Variants in SPRYD3 observed in about 807,000 individuals in gnomAD.
SPRYD3 encodes SPRY domain-containing protein 3.
In SPRYD3, 17 loss-of-function variants were observed where a neutral mutation model predicts 50.1. That is an observed-to-expected ratio of 0.34 (90% confidence interval 0.23 to 0.51). SPRYD3 has a LOEUF of 0.51. Ranked by LOEUF, SPRYD3 falls within the 20% of genes least tolerant of loss-of-function variation. The pLI is 0.97. For missense variants in SPRYD3, 401 were observed against 591.2 expected (o/e 0.68, Z 3.34); for synonymous variants, 198 against 215.5 (o/e 0.92, Z 0.71).
Position 53,066,636 on chromosome 12 carries a change from A to T in SPRYD3, c.958T>A (p.Tyr320Asn), listed in dbSNP as rs1485367633. Residue 320 changes from tyrosine to asparagine, a missense_variant, in exon 9 of 11, where the codon TAC becomes AAC. By Grantham distance (143) the Tyr-to-Asn change is moderately radical (BLOSUM62 -2). Transcript: ENST00000301463. ...GVGDPFGPRC[Y>N]KGDIMGCGIM... Reference sequence around the variant, plus strand: ...CCACAGCCCATGATGTCCCCTTTGTAACAGCGTGGCCCAAAGGGGTCCCCC... The same window carrying T: ...CCACAGCCCATGATGTCCCCTTTGTTACAGCGTGGCCCAAAGGGGTCCCCC... 1 of 1,613,884 alleles carries T rather than the reference A, an allele frequency of 6.2e-7. No homozygotes were observed.
chr12:53,079,369 G>A lies in SPRYD3; in HGVS notation c.-36C>T, dbSNP rs1237201938. The A allele has an allele frequency of 5.6e-6, 9 of 1,596,160 alleles. No homozygotes were observed. Among genetic ancestry groups the A allele is most frequent in the Non-Finnish European group, 7.7e-6 (9 of 1,172,000 alleles). On this transcript the variant is annotated 5_prime_UTR_variant, in exon 1 of 11. Coordinates refer to ENST00000301463, the MANE Select transcript of SPRYD3 (RefSeq NM_032840.3). ...CTCAGCTCCGCACACAAGCTCTTCG[G>A]CCGCCGCCACCACACACATCCGGGT...
At chr12:53,073,256 G>GCCCCCGGGGGGGGGGCCCC in intron 6 of SPRYD3, 30 bp downstream of exon 6, 4 of 424,134 alleles carry the variant, frequency 9.4e-6, no homozygotes, top group Non-Finnish European at 1.8e-5. Context: ...CTCCGACCCA[G>GCCCCCGGGGGGGGGGCCCC]CCCCTCCCAC....
At position 53,066,978 on chromosome 12, in the gene SPRYD3, C is replaced by T. The variant is rs184087655; in HGVS notation, c.902-286G>A. On this transcript the variant is annotated intron_variant, in intron 8 of 10. Transcript: ENST00000301463. The stretch of plus-strand genomic sequence containing the variant: ...TACAAAAATTAGCTGGGCGTGGTGG[C>T]GCCCGTCTGTAGTCCCAGCTACTCA... 6.6e-5 allele frequency among the ~76,000 whole-genome samples: 10 copies of T among 152,112 alleles called. 1 individual carries two copies. In the East Asian group the frequency reaches 9.7e-4, roughly 15 times the overall value.
rs1010584063 is a variant in SPRYD3 at position 53,075,727 on chromosome 12, C to G, written c.246+9G>C. The G allele has an allele frequency of 8.7e-6, 14 of 1,612,778 alleles. No individual in the cohort carries two copies. Among genetic ancestry groups the G allele is most frequent in the Non-Finnish European group, 1.2e-5 (14 of 1,178,856 alleles). ...ACCCCCTGCTCTGCCCACCCACTGCCTTGATCACCTCAAAATAATTGCTGT... is the reference window on the plus strand; with the variant it reads ...ACCCCCTGCTCTGCCCACCCACTGCGTTGATCACCTCAAAATAATTGCTGT... On this transcript the variant is annotated intron_variant, in intron 3 of 10. Coordinates refer to ENST00000301463, the MANE Select transcript of SPRYD3 (RefSeq NM_032840.3).
intron 3 of SPRYD3, among the ~76,000 whole-genome samples, chr12:53,075,460 G>C (rs1180764201): frequency 6.6e-6 from 1 of 152,174 alleles, no homozygotes; most frequent in Non-Finnish European, 1.5e-5. Context: ...TATATGGTGG[G>C]TTTGGGTTAG....
chr12:53,066,681 T>C lies in SPRYD3; in HGVS notation c.913A>G (p.Ile305Val). The C allele has an allele frequency of 6.2e-7, 1 of 1,610,800 alleles. No individual in the cohort carries two copies. Residue 305 changes from isoleucine to valine, a missense_variant, in exon 9 of 11, where the codon ATC (isoleucine) becomes GTC (valine). By Grantham distance (29) the Ile-to-Val change is conservative. Coordinates refer to ENST00000301463, the MANE Select transcript of SPRYD3 (RefSeq NM_032840.3). ...TCCCCCACACCACTGCCATGGAAGATCTTCCCATCGTCTGTTGGAGGGAGG... is the reference window on the plus strand; with the variant it reads ...TCCCCCACACCACTGCCATGGAAGACCTTCCCATCGTCTGTTGGAGGGAGG... ...SVAYHADDGK[I>V]FHGSGVGDPF...
At position 53,079,318 on chromosome 12, in the gene SPRYD3, G is replaced by A; in HGVS notation, c.16C>T (p.Arg6Trp). MRRTR[R>W]PRFVLMNKMD... ...CCCCCGATCCCCGCCTACCGGGGCCGCCGCGTCCTCCTCATCCATAGGCCT... is the reference window on the plus strand; with the variant it reads ...CCCCCGATCCCCGCCTACCGGGGCCACCGCGTCCTCCTCATCCATAGGCCT... Residue 6 changes from arginine (R) to tryptophan (W), a missense_variant, in exon 1 of 11, where the codon CGG (arginine) becomes TGG (tryptophan). Physicochemically the swap from Arg to Trp is moderately radical, Grantham distance 101. Coordinates refer to ENST00000301463, the MANE Select transcript of SPRYD3 (RefSeq NM_032840.3). 6.2e-7 allele frequency: 1 copy of A among 1,607,766 alleles called. No homozygotes were observed. The highest frequency in any genetic ancestry group is 1.1e-5 in the South Asian group (1 of 90,320).
intron 6 of SPRYD3, among the ~76,000 whole-genome samples, chr12:53,071,507 G>A (rs1241338990): frequency 6.6e-6 from 1 of 152,136 alleles, no homozygotes; most frequent in African/African-American, 2.4e-5. Flanking sequence ...GGGGAAACAG[G>A]CCACAGGAGG....
intron 1 of SPRYD3, chr12:53,077,946 G>C: frequency 3.5e-6 from 1 of 282,730 alleles, no homozygotes; most frequent in Non-Finnish European, 7.3e-6. Flanking sequence ...CAGCACCTTG[G>C]GAGGCTGAGG....
At chr12:53,066,739 A>G in intron 8 of SPRYD3, 47 bp from the exon 9 acceptor site, 1 of 1,565,136 alleles carries the variant, frequency 6.4e-7, no homozygotes, top group Non-Finnish European at 8.7e-7. Flanking sequence ...AGGAGGGCTG[A>G]CACCACACCC....
chr12:53,077,319 C>A, intron 1 of SPRYD3, 58 bp from the exon 2 acceptor site: 4 of 1,591,134 alleles, frequency 2.5e-6, no homozygotes, highest in Non-Finnish European at 3.4e-6. Flanking sequence ...AGCACCTCAG[C>A]CTCTGTGACC....
rs1565618159 is a variant in SPRYD3, at chr12:53,073,365, C to CG, written c.613dup (p.Arg205ProfsTer2). On this transcript the variant is annotated frameshift_variant, in exon 6 of 11. Coordinates refer to ENST00000301463, the MANE Select transcript of SPRYD3 (RefSeq NM_032840.3). LOFTEE classifies it high-confidence loss of function. The stretch of plus-strand genomic sequence containing the variant: ...CACCATCATGACGCTGTCGTCCTCA[C>CG]GGCCCAGCTCAGCGTTGAGGTGCAG... The CG allele has an allele frequency of 6.3e-7, 1 of 1,594,446 alleles. No homozygotes were observed. Among genetic ancestry groups the CG allele is most frequent in the Admixed American group, 1.7e-5 (1 of 57,344 alleles).
chr12:53,073,899 TAA>T (rs931479465), intron 5 of SPRYD3, among the ~76,000 whole-genome samples: 2 of 138,078 alleles, frequency 1.4e-5, no homozygotes. Flanking sequence ...ACTGACAGAT[TAA>T]AAAAAAAAAA....
At chr12:53,072,920 G>C (rs1350309509) in intron 6 of SPRYD3, among the ~76,000 whole-genome samples, 1 of 152,182 alleles carries the variant, frequency 6.6e-6, no homozygotes, top group East Asian at 1.9e-4. Flanking sequence ...TGAATGAAAA[G>C]CCTGGGCCAG....
At chr12:53,066,167 A>G in intron 10 of SPRYD3, 147 bp downstream of exon 10, 2 of 1,446,512 alleles carry the variant, frequency 1.4e-6, no homozygotes, top group Non-Finnish European at 1.9e-6. Context: ...TCCCGATCTC[A>G]GCAACCCCTG....
At chr12:53,078,311 A>T (rs1944605017) in intron 1 of SPRYD3, 1 of 264,188 alleles carries the variant, frequency 3.8e-6, no homozygotes, top group African/African-American at 2.3e-5. Context: ...ACATGGTGAA[A>T]CCCCATCTCT....
intron 6 of SPRYD3, 30 bp downstream of exon 6, chr12:53,073,256 G>GCCCCCGGGGGGGGGGGGCCCCC: frequency 1.4e-5 from 6 of 424,134 alleles, no homozygotes; most frequent in East Asian, 3.8e-5. Flanking sequence ...CTCCGACCCA[G>GCCCCCGGGGGGGGGGGGCCCCC]CCCCTCCCAC....
chr12:53,073,049 A>T (rs1944560451), intron 6 of SPRYD3: 2 of 425,266 alleles, frequency 4.7e-6, no homozygotes, highest in Non-Finnish European at 8.4e-6. Flanking sequence ...CCCAGGGTCA[A>T]ACTGCGAACC....
Position 53,074,600 on chromosome 12 carries a change from C to A in SPRYD3, c.507+49G>T, listed in dbSNP as rs375136188. ...CTCTTCCTAATCACTCCCCACAAAT[C>A]CTTGGGCAGATTTCAGCCACGTAAA... On this transcript the variant is annotated intron_variant, in intron 5 of 10. Transcript: ENST00000301463. The surrounding 1 kb of genome is among the most constrained non-coding windows in gnomAD (Gnocchi z 4.6). 9 of 1,612,104 alleles carry A rather than the reference C, an allele frequency of 5.6e-6. No homozygotes were observed. Among genetic ancestry groups the A allele is most frequent in the Non-Finnish European group, 6.8e-6 (8 of 1,178,748 alleles).
Sources: allele counts gnomAD v4.1 joint callset (sites outside exome capture counted in the v4.1 genomes callset), GRCh38; gene constraint gnomAD v4.1.1; non-coding constraint Gnocchi (gnomAD v3.1); transcripts MANE v1.5; gene names NCBI Gene and HGNC (gene_info 2026-07-23, HGNC 2026-07-21).